Variants in PGGT1B observed in about 807,000 individuals in gnomAD.
The protein encoded by PGGT1B is protein geranylgeranyltransferase type I subunit beta.
In PGGT1B, 30 loss-of-function variants were observed where a neutral mutation model predicts 46.1. The ratio of observed to expected loss-of-function variants is 0.65; its 90% CI spans 0.49 to 0.88. The LOEUF (loss-of-function observed/expected upper bound fraction) is 0.88, where lower values mean the gene tolerates loss of function less well. Ranked by LOEUF, PGGT1B falls within the 40% of genes least tolerant of loss-of-function variation. The pLI, the probability that PGGT1B is intolerant of heterozygous loss-of-function variation, is 0.00. For synonymous variants in PGGT1B, 170 were observed against 160.0 expected, an observed-to-expected ratio of 1.06 and a Z score of -0.47; for missense variants, 376 against 455.9, an observed-to-expected ratio of 0.82 and a Z score of 1.60.
intron 5 of PGGT1B, among the ~76,000 whole-genome samples, chr5:115,232,238 A>G (rs1330723854): frequency 6.6e-6 from 1 of 152,112 alleles, no homozygotes; most frequent in East Asian, 1.9e-4. Flanking sequence ...CACCAGAAGA[A>G]CTAAGTGAAG....
intron 5 of PGGT1B, among the ~76,000 whole-genome samples, chr5:115,235,345 G>A (rs1757147896): frequency 6.6e-6 from 1 of 151,976 alleles, no homozygotes; most frequent in Admixed American, 6.6e-5. Flanking sequence ...ATATTTATAG[G>A]AAGGATGCTA....
intron 1 of PGGT1B, among the ~76,000 whole-genome samples, chr5:115,257,140 C>G (rs923040972): frequency 2.0e-5 from 3 of 151,960 alleles, no homozygotes; most frequent in African/African-American, 7.3e-5. Flanking sequence ...AATTCACAGA[C>G]AAGAGGGTTA....
rs1756268842 is a variant in PGGT1B, at chr5:115,212,593, A to C, written c.953-10T>G. The C allele has an allele frequency of 6.3e-7, 1 of 1,585,212 alleles. No homozygotes were observed. Among genetic ancestry groups the C allele is most frequent in the South Asian group, 1.2e-5 (1 of 86,452 alleles). ...TATGCATGCAAAGCATCTGAAAAGA[A>C]GGCATTTAAAACATCATAATAGGCA... On this transcript the variant is annotated splice_polypyrimidine_tract_variant and intron_variant, in intron 8 of 8. Coordinates refer to ENST00000419445, the MANE Select transcript of PGGT1B (RefSeq NM_005023.4).
At chr5:115,220,202 G>A (rs954983430) in intron 7 of PGGT1B, among the ~76,000 whole-genome samples, 1 of 151,788 alleles carries the variant, frequency 6.6e-6, no homozygotes, top group African/African-American at 2.4e-5. Context: ...CAACGCAAGT[G>A]ACTATCAACA....
intron 6 of PGGT1B, among the ~76,000 whole-genome samples, chr5:115,230,065 G>A (rs1561475760): frequency 6.6e-6 from 1 of 151,948 alleles, no homozygotes; most frequent in Non-Finnish European, 1.5e-5. Context: ...TTTTATACAG[G>A]TTTATGATTT....
intron 4 of PGGT1B, among the ~76,000 whole-genome samples, chr5:115,237,645 G>A (rs1422354837): frequency 6.6e-6 from 1 of 152,116 alleles, no homozygotes; most frequent in African/African-American, 2.4e-5. Flanking sequence ...GGAAGATAAA[G>A]GTGTTTGGCT....
At chr5:115,216,171 G>A (rs946277093) in intron 8 of PGGT1B, among the ~76,000 whole-genome samples, 10 of 151,718 alleles carry the variant, frequency 6.6e-5, no homozygotes, top group South Asian at 2.1e-4. Context: ...AAAGAGTCTC[G>A]CTCTGTCACA....
At chr5:115,240,295 G>A (rs991133062) in intron 3 of PGGT1B, among the ~76,000 whole-genome samples, 10 of 152,246 alleles carry the variant, frequency 6.6e-5, no homozygotes, top group East Asian at 1.9e-4. Context: ...TGGTGCAGGC[G>A]TTGGTTGGGG....
chr5:115,237,385 G>A (rs939070530), intron 4 of PGGT1B, among the ~76,000 whole-genome samples: 1 of 151,988 alleles, frequency 6.6e-6, no homozygotes, highest in East Asian at 1.9e-4. Context: ...CACACTATGT[G>A]AATCACCAAA....
Position 115,231,020 on chromosome 5 carries a change from G to T in PGGT1B, c.614C>A (p.Ser205Tyr). 1.3e-6 allele frequency: 2 copies of T among 1,524,232 alleles called. No individual in the cohort carries two copies. Among genetic ancestry groups the T allele is most frequent in the Non-Finnish European group, 1.8e-6 (2 of 1,118,980 alleles). 94.4% of individuals were successfully genotyped at this position (1,524,232 alleles called of 1,614,324 possible). A position where few individuals can be genotyped will look rare whatever the true frequency, so the allele number is the denominator to read the frequency against. Residue 205 changes from serine (S) to tyrosine (Y), a missense_variant and splice_region_variant, in exon 6 of 9, where the codon TCC (serine) becomes TAC (tyrosine). By Grantham distance (144) the Ser-to-Tyr change is moderately radical. Transcript: ENST00000419445. ...KAITYIRRSM[S>Y]YDNGLAQGAG... Reference sequence around the variant, plus strand: ...TCCCTGTGCCAGTCCATTGTCATAGGACTGAAAAAGAAAAACATTGTTCAG... The same window carrying T: ...TCCCTGTGCCAGTCCATTGTCATAGTACTGAAAAAGAAAAACATTGTTCAG...
intron 2 of PGGT1B, among the ~76,000 whole-genome samples, chr5:115,252,247 T>A (rs1472162279): frequency 6.6e-6 from 1 of 152,080 alleles, no homozygotes; most frequent in Non-Finnish European, 1.5e-5. Context: ...TTAATAAGAC[T>A]TTGTAAATAG....
chr5:115,222,070 A>G (rs1470391095), intron 6 of PGGT1B, 62 bp from the exon 7 acceptor site: 1 of 993,726 alleles, frequency 1.0e-6, no homozygotes, highest in East Asian at 2.8e-5. Context: ...AAATAGTACA[A>G]AATGTTCAAG....
At chr5:115,213,569 C>T (rs946949999) in intron 8 of PGGT1B, among the ~76,000 whole-genome samples, 60 of 152,136 alleles carry the variant, frequency 3.9e-4, no homozygotes, top group African/African-American at 1.4e-3. Flanking sequence ...CACAGGAGTT[C>T]GATACCAGCC....
chr5:115,207,020 G>T lies in PGGT1B; in HGVS notation c.*5382C>A, dbSNP rs1756084153. 1 of 151,396 alleles carries T rather than the reference G, an allele frequency of 6.6e-6. No individual in the cohort carries two copies. Among genetic ancestry groups the T allele is most frequent in the African/African-American group, 2.4e-5 (1 of 41,292 alleles). 9.4% of individuals were successfully genotyped at this position (151,396 alleles called of 1,614,324 possible). On this transcript the variant is annotated 3_prime_UTR_variant, in exon 9 of 9. Coordinates refer to ENST00000419445, the MANE Select transcript of PGGT1B (RefSeq NM_005023.4). The stretch of plus-strand genomic sequence containing the variant: ...ATATCATGTATCTTTCCATTTGGTG[G>T]AATCTACATTTTTGCCTCTCAAGAG...
chr5:115,224,976 C>T (rs1428058325), intron 6 of PGGT1B, among the ~76,000 whole-genome samples: 1 of 151,850 alleles, frequency 6.6e-6, no homozygotes, highest in Non-Finnish European at 1.5e-5. Flanking sequence ...AATGGAATAT[C>T]TTTTTGGGGC....
chr5:115,211,077 T>A lies in PGGT1B; in HGVS notation c.*1325A>T, dbSNP rs931656413. ...TAAACAGTGATACCAGTAATCCAGT[T>A]TTTATACTGATACTTGTATTTCAAC... On this transcript the variant is annotated 3_prime_UTR_variant, in exon 9 of 9. Transcript: ENST00000419445. 9 of 152,088 alleles carry A rather than the reference T, an allele frequency of 5.9e-5. No individual in the cohort carries two copies. Among genetic ancestry groups the A allele is most frequent in the African/African-American group, 2.2e-4 (9 of 41,450 alleles). The allele number at this position is 152,088 out of a possible 1,614,324, so 9.4% of individuals were successfully genotyped here.
Position 115,240,914 on chromosome 5 carries a change from A to G in PGGT1B, c.327+625T>C, listed in dbSNP as rs112939002. ...TTTGTGTACATATGGAACACCTACA[A>G]AGTTTCTTCTGGGTCTGCTCCTTTG... On this transcript the variant is annotated intron_variant, in intron 3 of 8. Coordinates refer to ENST00000419445, the MANE Select transcript of PGGT1B (RefSeq NM_005023.4). Among the ~76,000 whole-genome samples the G allele has an allele frequency of 9.8e-5, 15 of 152,286 alleles. 1 individual carries two copies. The highest frequency in any genetic ancestry group is 6.2e-4 in the South Asian group (3 of 4,822).
intron 2 of PGGT1B, among the ~76,000 whole-genome samples, chr5:115,250,892 CAT>C (rs1299800583): frequency 6.6e-6 from 1 of 152,114 alleles, no homozygotes; most frequent in Non-Finnish European, 1.5e-5. Flanking sequence ...TTCTTTCTCT[CAT>C]AAACATGCTT....
intron 8 of PGGT1B, among the ~76,000 whole-genome samples, chr5:115,216,518 T>G (rs548972544): frequency 9.6e-4 from 146 of 152,342 alleles, no homozygotes; most frequent in African/African-American, 3.4e-3. Context: ...GTTCAAGTCA[T>G]GACTAATAAT....
Sources: allele counts gnomAD v4.1 joint callset (sites outside exome capture counted in the v4.1 genomes callset), GRCh38; gene constraint gnomAD v4.1.1; transcripts MANE v1.5; gene names NCBI Gene and HGNC (gene_info 2026-07-23, HGNC 2026-07-21).